DDX31: variants seen among roughly 807,000 people sequenced by gnomAD.
DDX31 encodes the protein ATP-dependent DNA helicase DDX31.
In DDX31, 70 loss-of-function variants were observed where a neutral mutation model predicts 91.3. That is an observed-to-expected ratio of 0.77 (90% CI 0.63 to 0.94). The LOEUF (loss-of-function observed/expected upper bound fraction) is 0.94, where lower values mean the gene tolerates loss of function less well. DDX31 is among the 40% of genes least tolerant of loss of function. The probability of loss-of-function intolerance (pLI) is 0.00; values close to 1 mark genes in which losing one functional copy is unlikely to be tolerated. For synonymous variants in DDX31, 362 were observed against 350.6 expected (o/e 1.03, Z -0.36); for missense variants, 902 against 925.0 (o/e 0.98, Z 0.32).
intron 9 of DDX31, among the ~76,000 whole-genome samples, 168 bp downstream of exon 9, chr9:132,650,066 C>T (rs561855561): frequency 1.3e-5 from 2 of 152,218 alleles, no homozygotes; most frequent in Non-Finnish European, 2.9e-5. Context: ...AAAACAGCAC[C>T]GTCTAGAGGT....
chr9:132,648,498 T>C lies in DDX31; in HGVS notation c.794A>G (p.His265Arg). Residue 265 changes from histidine (H) to arginine (R), a missense_variant, in exon 10 of 20, where the codon CAT becomes CGT. Coordinates refer to ENST00000372159, the MANE Select transcript of DDX31 (RefSeq NM_022779.9). ...ATGAATGTTCTTTGTGGATTTTATA[T>C]GATCCACCAGGCGTCCAGGAGTTGA... is the stretch of plus-strand genomic sequence containing the variant. ...LISTPGRLVD[H>R]IKSTKNIHFS... 6.2e-7 allele frequency: 1 copy of C among 1,614,082 alleles called. No individual in the cohort carries two copies. The highest frequency in any genetic ancestry group is 8.5e-7 in the Non-Finnish European group (1 of 1,179,996).
chr9:132,651,876 C>T (rs954291856), intron 7 of DDX31, among the ~76,000 whole-genome samples: 1 of 152,086 alleles, frequency 6.6e-6, no homozygotes, highest in Non-Finnish European at 1.5e-5. Flanking sequence ...GGACTGCAGG[C>T]TATATGAAAA....
chr9:132,642,184 T>G, intron 13 of DDX31, 121 bp from the exon 14 acceptor site: 1 of 869,980 alleles, frequency 1.1e-6, no homozygotes, highest in Non-Finnish European at 1.8e-6. Context: ...CACAGAGAGG[T>G]TTGCCAGGAA....
chr9:132,596,247 T>TA (rs1830427308), intron 19 of DDX31, among the ~76,000 whole-genome samples: 1 of 152,216 alleles, frequency 6.6e-6, no homozygotes, highest in Non-Finnish European at 1.5e-5. Flanking sequence ...ATAAGACTAA[T>TA]AGTGTGTTGT....
At chr9:132,607,496 C>T (rs958718873) in intron 19 of DDX31, among the ~76,000 whole-genome samples, 1 of 152,158 alleles carries the variant, frequency 6.6e-6, no homozygotes, top group Non-Finnish European at 1.5e-5. Flanking sequence ...CTAAGAACAA[C>T]ACTAGAAAGG....
chr9:132,619,691 A>C (rs1831887626), intron 17 of DDX31, among the ~76,000 whole-genome samples: 3 of 152,154 alleles, frequency 2.0e-5, no homozygotes, highest in Admixed American at 2.0e-4. Context: ...GGTCCCCCTA[A>C]GGGTTCTATC....
Position 132,633,447 on chromosome 9 carries a change from T to G in DDX31, c.1441-1356A>C, listed in dbSNP as rs372831198. Among the ~76,000 whole-genome samples, 10 of 149,288 alleles carry G rather than the reference T, an allele frequency of 6.7e-5. No homozygotes were observed. The East Asian group carries it at 1.7e-3, about 26-fold the overall frequency. Reference sequence around the variant, plus strand: ...TTCAGCACTATATATAATTTGTAGATCTAGAAAAAAACTGTCAACCAGCAG... The same window carrying G: ...TTCAGCACTATATATAATTTGTAGAGCTAGAAAAAAACTGTCAACCAGCAG... On this transcript the variant is annotated intron_variant, in intron 14 of 19. Transcript: ENST00000372159.
At chr9:132,669,744 T>C in intron 1 of DDX31, 116 bp downstream of exon 1, 1 of 1,529,616 alleles carries the variant, frequency 6.5e-7, no homozygotes. Context: ...GGTGTCTTTC[T>C]CCCGCTTAAC....
intron 17 of DDX31, among the ~76,000 whole-genome samples, chr9:132,619,425 G>A (rs1173807360): frequency 1.3e-5 from 2 of 152,092 alleles, no homozygotes; most frequent in African/African-American, 4.8e-5. Context: ...AGACCGGGTC[G>A]TGCTGCTTAA....
chr9:132,661,379 G>C (rs562527508), intron 3 of DDX31, 128 bp from the exon 4 acceptor site: 2 of 810,334 alleles, frequency 2.5e-6, no homozygotes, highest in East Asian at 5.3e-5. Flanking sequence ...CCTCCACCCA[G>C]GTGGTGCTCT....
chr9:132,617,310 C>G (rs1034220662), intron 18 of DDX31, among the ~76,000 whole-genome samples: 2 of 152,096 alleles, frequency 1.3e-5, no homozygotes, highest in African/African-American at 2.4e-5. Flanking sequence ...CACCCCTTCA[C>G]CTCCCCCATC....
intron 13 of DDX31, 96 bp from the exon 14 acceptor site, chr9:132,642,159 A>AGAGCTATTTTCTGTGC: frequency 9.1e-7 from 1 of 1,099,542 alleles, no homozygotes; most frequent in East Asian, 2.5e-5. Flanking sequence ...TCCTACTGCT[A>AGAGCTATTTTCTGTGC]GAGCTATTTT....
intron 19 of DDX31, 115 bp downstream of exon 19, chr9:132,611,972 G>A: frequency 1.5e-6 from 2 of 1,374,796 alleles, no homozygotes; most frequent in Non-Finnish European, 2.0e-6. Flanking sequence ...TTGTTTATTG[G>A]GAGAAGGGCA....
At position 132,630,373 on chromosome 9, in the gene DDX31, T is replaced by C. The variant is rs1832648358; in HGVS notation, c.1522A>G (p.Ile508Val). The C allele has an allele frequency of 1.9e-6, 3 of 1,603,428 alleles. No homozygotes were observed. Among genetic ancestry groups the C allele is most frequent in the Non-Finnish European group, 2.6e-6 (3 of 1,171,418 alleles). ...YNAPSSPAEY[I>V]HRIGRTARIG... The stretch of plus-strand genomic sequence containing the variant: ...CGGGCGGTTCTTCCAATCCGGTGGA[T>C]GTATTCTGCAGGTGAAGATGGAGCG... Residue 508 changes from isoleucine (I) to valine (V), a missense_variant, in exon 16 of 20, where the codon ATC becomes GTC. Ile to Val is a conservative substitution (Grantham distance 29). Transcript: ENST00000372159.
intron 14 of DDX31, among the ~76,000 whole-genome samples, chr9:132,637,234 A>T (rs1385468372): frequency 2.0e-5 from 3 of 152,144 alleles, no homozygotes; most frequent in African/African-American, 7.2e-5. Flanking sequence ...GATCAACAGG[A>T]GATCATGACC....
chr9:132,646,166 C>T (rs1590066538), intron 12 of DDX31, 95 bp from the exon 13 acceptor site: 15 of 1,282,618 alleles, frequency 1.2e-5, no homozygotes, highest in Middle Eastern at 2.1e-4. Flanking sequence ...ATGCTGACCC[C>T]CATTTGGAAA....
At chr9:132,618,493 A>T (rs1488847374) in intron 17 of DDX31, 52 bp from the exon 18 acceptor site, 2 of 1,499,404 alleles carry the variant, frequency 1.3e-6, no homozygotes, top group Non-Finnish European at 1.8e-6. Flanking sequence ...GGTCAGGAAT[A>T]ATGAAGCAGT....
At chr9:132,663,216 C>A (rs371161171) in intron 1 of DDX31, 7 of 1,289,298 alleles carry the variant, frequency 5.4e-6, no homozygotes, top group East Asian at 1.1e-4. Context: ...CGGAAACATT[C>A]ATTACCATTC....
At chr9:132,597,566 G>A (rs1830504712) in intron 19 of DDX31, among the ~76,000 whole-genome samples, 1 of 152,178 alleles carries the variant, frequency 6.6e-6, no homozygotes, top group African/African-American at 2.4e-5. Context: ...GATGGCTCCT[G>A]CTACCGCTAA....
Sources: gnomAD v4.1 joint callset for allele counts (sites outside exome capture counted in the v4.1 genomes callset) on GRCh38, gnomAD v4.1.1 for gene constraint, MANE v1.5 for transcripts, NCBI Gene and HGNC (gene_info 2026-07-23, HGNC 2026-07-21) for gene names.